The following DGKE variants were observed in gnomAD, a reference collection of about 807,000 sequenced individuals.
The protein encoded by DGKE is diacylglycerol kinase epsilon, also known as DAG kinase epsilon.
Under a neutral mutation model 70.0 loss-of-function variants are expected in DGKE, and 53 were observed. The ratio of observed to expected loss-of-function variants is 0.76; its 90% CI spans 0.61 to 0.95. The LOEUF is 0.95. Among genes scored for constraint, DGKE ranks in the 40% least tolerant of loss-of-function variants. The pLI, the probability that DGKE is intolerant of heterozygous loss-of-function variation, is 0.00. For missense variants in DGKE, 655 were observed against 706.9 expected (o/e 0.93, Z 0.83); for synonymous variants, 291 against 257.0 (o/e 1.13, Z -1.27).
At position 56,868,318 on chromosome 17, in the gene DGKE, T is replaced by G. The variant is rs890747967; in HGVS notation, c.*5527T>G. On this transcript the variant is annotated 3_prime_UTR_variant, in exon 12 of 12. Transcript: ENST00000284061. ...CAGCAGTCTTTCAGATCTGAACTGC[T>G]TAAACAAACCCTACAGATAAATTGG... is the stretch of plus-strand genomic sequence containing the variant. 6.6e-6 allele frequency: 1 copy of G among 152,400 alleles called. No individual in the cohort carries two copies. Among genetic ancestry groups the G allele is most frequent in the African/African-American group, 2.4e-5 (1 of 41,600 alleles). 9.4% of individuals were successfully genotyped at this position (152,400 alleles called of 1,614,324 possible).
rs778735871 is a variant in DGKE, at chr17:56,856,532, T to C, written c.1119T>C (p.Tyr373=). ...RKPKEFTMNN[Y]FSVGPDALMA... ...CACAGGAATTCACAATGAACAACTA[T>C]TTTTCTGTTGGACCTGATGCTCTCA... Residue 373 remains tyrosine (Y), a synonymous_variant, in exon 8 of 12, where the codon TAT becomes TAC. Transcript: ENST00000284061. 6.2e-7 allele frequency: 1 copy of C among 1,613,486 alleles called. No homozygotes were observed. The highest frequency in any genetic ancestry group is 2.2e-5 in the East Asian group (1 of 44,826).
Position 56,856,594 on chromosome 17 carries a change from C to T in DGKE, c.1181C>T (p.Pro394Leu). ...LNFHAHREKA[P>L]SLFSSRILNK... ...TTTCATGCTCATCGTGAGAAGGCACCATCTCTGTTTTCTAGCAGAATTCTT... is the reference window on the plus strand; with the variant it reads ...TTTCATGCTCATCGTGAGAAGGCACTATCTCTGTTTTCTAGCAGAATTCTT... Residue 394 changes from proline to leucine, a missense_variant, in exon 8 of 12, where the codon CCA becomes CTA. Transcript: ENST00000284061. 6.2e-7 allele frequency: 1 copy of T among 1,613,632 alleles called. No homozygotes were observed.
chr17:56,840,016 T>C (rs1483663356), intron 2 of DGKE, among the ~76,000 whole-genome samples: 1 of 151,770 alleles, frequency 6.6e-6, no homozygotes, highest in African/African-American at 2.4e-5. Context: ...AGTACAAAAT[T>C]AGCCGAGTGT....
chr17:56,857,987 C>T (rs1908047386), intron 8 of DGKE, among the ~76,000 whole-genome samples: 1 of 148,436 alleles, frequency 6.7e-6, no homozygotes, highest in African/African-American at 2.5e-5. Flanking sequence ...TCAGGAGAAT[C>T]ACTTGAACCC....
chr17:56,850,895 GAGA>G (rs1403458963), intron 7 of DGKE, among the ~76,000 whole-genome samples: 1 of 152,178 alleles, frequency 6.6e-6, no homozygotes, highest in South Asian at 2.1e-4. Flanking sequence ...TGTTATGGGA[GAGA>G]ACAGGGTGCA....
rs1235806047 is a variant in DGKE, at chr17:56,863,017, T to TA, written c.*227dup. 2.1e-5 allele frequency: 8 copies of TA among 388,578 alleles called. No homozygotes were observed. The highest frequency in any genetic ancestry group is 3.6e-5 in the Non-Finnish European group (8 of 223,552). The allele number at this position is 388,578 out of a possible 1,614,324, so 24.1% of individuals were successfully genotyped here. Reference sequence around the variant, plus strand: ...ATACTTCAAATGAATAGTATTAACTTACAAAAAGTCACAAAAACTTACATG... The same window carrying TA: ...ATACTTCAAATGAATAGTATTAACTTAACAAAAAGTCACAAAAACTTACATG... On this transcript the variant is annotated 3_prime_UTR_variant, in exon 12 of 12. Transcript: ENST00000284061.
Position 56,863,584 on chromosome 17 carries a change from A to T in DGKE, c.*793A>T, listed in dbSNP as rs1376778265. On this transcript the variant is annotated 3_prime_UTR_variant, in exon 12 of 12. Transcript: ENST00000284061. ...TATCAGCCGCTCTTTTTATTAAAAG[A>T]CAGTGTCAACACTTCAAAAAACGTG... is the stretch of plus-strand genomic sequence containing the variant. 2.0e-5 allele frequency: 3 copies of T among 152,248 alleles called. No individual in the cohort carries two copies. Among genetic ancestry groups the T allele is most frequent in the Non-Finnish European group, 4.4e-5 (3 of 68,042 alleles). 9.4% of individuals were successfully genotyped at this position (152,248 alleles called of 1,614,324 possible).
chr17:56,839,853 C>T (rs1906858102), intron 2 of DGKE, among the ~76,000 whole-genome samples: 1 of 151,928 alleles, frequency 6.6e-6, no homozygotes, highest in South Asian at 2.1e-4. Flanking sequence ...CTTTATAGAG[C>T]AAAGGCTCAT....
intron 2 of DGKE, among the ~76,000 whole-genome samples, chr17:56,837,206 GTTTT>G (rs969274744): frequency 6.6e-6 from 1 of 151,720 alleles, no homozygotes; most frequent in Non-Finnish European, 1.5e-5. Context: ...AGGCATTGCC[GTTTT>G]TTTGTTTTTT....
intron 9 of DGKE, among the ~76,000 whole-genome samples, chr17:56,859,228 G>A (rs1297023039): frequency 1.3e-5 from 2 of 151,554 alleles, no homozygotes; most frequent in African/African-American, 4.8e-5. Flanking sequence ...GGAAGGCTGA[G>A]GCAGGAGAAT....
chr17:56,841,805 G>GT (rs1427040162), intron 2 of DGKE, among the ~76,000 whole-genome samples: 4 of 151,820 alleles, frequency 2.6e-5, no homozygotes, highest in Admixed American at 6.6e-5. Flanking sequence ...AAGGGGTCAG[G>GT]TTTTTTTTGT....
At position 56,835,123 on chromosome 17, in the gene DGKE, G is replaced by A. The variant is rs915029037; in HGVS notation, c.328G>A (p.Glu110Lys). 2 of 1,613,858 alleles carry A rather than the reference G, an allele frequency of 1.2e-6. No homozygotes were observed. Among genetic ancestry groups the A allele is most frequent in the Non-Finnish European group, 1.7e-6 (2 of 1,180,014 alleles). The change falls in exon 2 of 12, where the codon GAG (glutamate) becomes AAG (lysine). Residue 110 changes from glutamate (E) to lysine (K), a missense_variant. Coordinates refer to ENST00000284061, the MANE Select transcript of DGKE (RefSeq NM_003647.3). ...GGCCGACAAGCGCTTCCAGTGCAAG[G>A]AGATTATGCTCAAGAATGACACCAA... is the stretch of plus-strand genomic sequence containing the variant. The part of the protein sequence containing the change: ...RKADKRFQCK[E>K]IMLKNDTKVL...
At chr17:56,856,959 A>G (rs944008285) in intron 8 of DGKE, among the ~76,000 whole-genome samples, 1 of 151,990 alleles carries the variant, frequency 6.6e-6, no homozygotes, top group Non-Finnish European at 1.5e-5. Flanking sequence ...TTAGCCGGGC[A>G]TGGTGGCAGG....
At chr17:56,835,302 G>A (rs763982859) in intron 2 of DGKE, 43 bp downstream of exon 2, 2 of 1,558,116 alleles carry the variant, frequency 1.3e-6, no homozygotes, top group Non-Finnish European at 1.7e-6. Context: ...ATGCGCCGTG[G>A]GAATCAGGAT....
At chr17:56,847,894 A>T (rs1480364574) in intron 4 of DGKE, 28 bp from the exon 5 acceptor site, 1 of 1,514,426 alleles carries the variant, frequency 6.6e-7, no homozygotes, top group Admixed American at 2.0e-5. Context: ...TTGGATAAAA[A>T]TAATTTGTCT....
intron 7 of DGKE, among the ~76,000 whole-genome samples, chr17:56,849,515 G>A (rs1210896413): frequency 1.3e-5 from 2 of 152,156 alleles, no homozygotes; most frequent in Non-Finnish European, 2.9e-5. Context: ...GGGAAAAGAG[G>A]TGAGAGAGTG....
In DGKE at chr17:56,849,240, G is replaced by C; in HGVS notation, c.1098+8G>C. On this transcript the variant is annotated splice_region_variant and intron_variant, in intron 7 of 11. Coordinates refer to ENST00000284061, the MANE Select transcript of DGKE (RefSeq NM_003647.3). ...AACTTAAGAAAACCCAAGGTATGTT[G>C]TTAGTGCCTCAGTTGCAAGTGGTTT... 6.2e-7 allele frequency: 1 copy of C among 1,609,156 alleles called. No homozygotes were observed. The highest frequency in any genetic ancestry group is 8.5e-7 in the Non-Finnish European group (1 of 1,178,470).
Position 56,845,756 on chromosome 17 carries a change from A to AAT in DGKE, c.694_695dup (p.Met232IlefsTer14). 6.2e-7 allele frequency: 1 copy of AAT among 1,612,766 alleles called. No homozygotes were observed. The highest frequency in any genetic ancestry group is 1.3e-5 in the African/African-American group (1 of 74,944). On this transcript the variant is annotated frameshift_variant, in exon 4 of 12. Coordinates refer to ENST00000284061, the MANE Select transcript of DGKE (RefSeq NM_003647.3). LOFTEE classifies it high-confidence loss of function. Reference sequence around the variant, plus strand: ...CCTGGCCAACTCTCGTAGTGGAACTAATATGGGAGAAGGACTGTTGGGAGA... The same window carrying AAT: ...CCTGGCCAACTCTCGTAGTGGAACTAATATATGGGAGAAGGACTGTTGGGAGA...
intron 8 of DGKE, among the ~76,000 whole-genome samples, chr17:56,857,690 A>G (rs1908030144): frequency 6.6e-6 from 1 of 152,210 alleles, no homozygotes; most frequent in African/African-American, 2.4e-5. Context: ...AATCTGAAGT[A>G]CTAGGAAAAA....
Sources: allele counts gnomAD v4.1 joint callset (sites outside exome capture counted in the v4.1 genomes callset), GRCh38; gene constraint gnomAD v4.1.1; transcripts MANE v1.5; gene names NCBI Gene and HGNC (gene_info 2026-07-23, HGNC 2026-07-21).